ELF1: variants seen among roughly 807,000 people sequenced by gnomAD.
ELF1 encodes E74 like ETS transcription factor 1, also known as ETS-related transcription factor Elf-1.
In ELF1, 24 loss-of-function variants were observed where a neutral mutation model predicts 59.9. The ratio of observed to expected loss-of-function variants is 0.40; its 90% CI spans 0.29 to 0.56. The LOEUF (loss-of-function observed/expected upper bound fraction) is 0.56, where lower values mean the gene tolerates loss of function less well. ELF1 is among the 20% of genes least tolerant of loss of function. The probability of loss-of-function intolerance (pLI) is 0.44; values close to 1 mark genes in which losing one functional copy is unlikely to be tolerated. For synonymous variants in ELF1, 248 were observed against 266.2 expected (o/e 0.93, Z 0.67); for missense variants, 627 against 742.2 (o/e 0.84, Z 1.80).
At chr13:40,993,082 A>C in intron 1 of ELF1, 2 of 1,608,356 alleles carry the variant, frequency 1.2e-6, no homozygotes, top group Non-Finnish European at 1.7e-6. Flanking sequence ...ATCTTGTCAA[A>C]ATTTTGAGAC....
At chr13:40,983,888 A>AC (rs1195188343) in intron 1 of ELF1, among the ~76,000 whole-genome samples, 1 of 151,896 alleles carries the variant, frequency 6.6e-6, no homozygotes, top group Non-Finnish European at 1.5e-5. Flanking sequence ...CCTGCAACAC[A>AC]CCCATCTTCT....
At chr13:40,964,030 A>T (rs1392547421) in intron 2 of ELF1, among the ~76,000 whole-genome samples, 1 of 152,162 alleles carries the variant, frequency 6.6e-6, no homozygotes, top group Non-Finnish European at 1.5e-5. Flanking sequence ...CTACTACCAT[A>T]AATAGAAAAA....
intron 2 of ELF1, among the ~76,000 whole-genome samples, chr13:40,978,880 C>G (rs77078386): frequency 6.6e-6 from 1 of 151,854 alleles, no homozygotes; most frequent in Non-Finnish European, 1.5e-5. Flanking sequence ...TCTTACCCCC[C>G]GCAACTTTTA....
intron 1 of ELF1, among the ~76,000 whole-genome samples, chr13:41,024,868 C>T (rs1875830755): frequency 6.6e-6 from 1 of 152,080 alleles, no homozygotes; most frequent in Non-Finnish European, 1.5e-5. Context: ...TAAAAAAGTA[C>T]TCATCATATC....
intron 1 of ELF1, among the ~76,000 whole-genome samples, chr13:41,035,727 GA>G (rs11366083): frequency 0.35 from 34,997 of 99,938 alleles, 4,511 homozygotes; most frequent in South Asian, 0.48. Flanking sequence ...AGAACAAAAA[GA>G]AAAAAAAAAA....
At chr13:40,957,630 A>G (rs1486946539) in intron 3 of ELF1, among the ~76,000 whole-genome samples, 1 of 152,028 alleles carries the variant, frequency 6.6e-6, no homozygotes, top group Non-Finnish European at 1.5e-5. Flanking sequence ...CATGATTGTA[A>G]GTTTCCTGAG....
At chr13:41,008,478 C>T (rs1874871861) in intron 1 of ELF1, among the ~76,000 whole-genome samples, 1 of 151,956 alleles carries the variant, frequency 6.6e-6, no homozygotes, top group Admixed American at 6.6e-5. Flanking sequence ...ACTTAAAAGG[C>T]TTTTCTGATG....
At chr13:41,020,008 T>C (rs1009051569), upstream of ELF1, among the ~76,000 whole-genome samples, 3 of 152,252 alleles carry the variant, frequency 2.0e-5, no homozygotes, top group Non-Finnish European at 4.4e-5. Context: ...AAAAAAGTAT[T>C]GGTACGATCA....
intron 2 of ELF1, among the ~76,000 whole-genome samples, chr13:40,966,857 G>A (rs1356483058): frequency 6.6e-6 from 1 of 152,096 alleles, no homozygotes; most frequent in African/African-American, 2.4e-5. Flanking sequence ...TTAGTCTCTA[G>A]CATTTTTCCA....
intron 1 of ELF1, among the ~76,000 whole-genome samples, chr13:41,048,339 T>C (rs994855092): frequency 3.9e-5 from 6 of 152,308 alleles, no homozygotes; most frequent in African/African-American, 1.4e-4. Context: ...CAGTTGGAAA[T>C]GCAGAAATCA....
At chr13:41,002,757 G>GCA (rs1357722129) in intron 1 of ELF1, among the ~76,000 whole-genome samples, 3 of 152,122 alleles carry the variant, frequency 2.0e-5, no homozygotes, top group African/African-American at 7.2e-5. Context: ...TTCCCTACAG[G>GCA]CGCTTACAAT....
At chr13:40,948,092 A>G (rs1294466431) in intron 5 of ELF1, among the ~76,000 whole-genome samples, 2 of 152,232 alleles carry the variant, frequency 1.3e-5, no homozygotes, top group African/African-American at 4.8e-5. Flanking sequence ...GTGATCCCTG[A>G]GAGACAGGAA....
chr13:40,957,355 C>A (rs1185356068), intron 3 of ELF1, among the ~76,000 whole-genome samples: 1 of 134,028 alleles, frequency 7.5e-6, no homozygotes, highest in Non-Finnish European at 1.6e-5. Flanking sequence ...AAATTCAGGA[C>A]CCAAAAGGGC....
chr13:40,982,274 C>G lies in ELF1; in HGVS notation c.-220G>C, dbSNP rs1232082521. ...TTTCTGAAATTTTTCTTCTCTCAAG[C>G]TTCTTGGCCTAAAAAACAAAAGCTC... is the stretch of plus-strand genomic sequence containing the variant. On this transcript the variant is annotated 5_prime_UTR_variant, in exon 2 of 9. Transcript: ENST00000239882. 36 of 1,259,262 alleles carry G rather than the reference C, an allele frequency of 2.9e-5. No individual in the cohort carries two copies. The highest frequency in any genetic ancestry group is 3.4e-5 in the Non-Finnish European group (34 of 1,001,226). 78.0% of individuals were successfully genotyped at this position (1,259,262 alleles called of 1,614,324 possible). A position where few individuals can be genotyped will look rare whatever the true frequency, so the allele number is the denominator to read the frequency against.
At chr13:40,979,334 A>G (rs181779102) in intron 2 of ELF1, among the ~76,000 whole-genome samples, 1 of 152,286 alleles carries the variant, frequency 6.6e-6, no homozygotes, top group Non-Finnish European at 1.5e-5. Flanking sequence ...CAGCAATCCT[A>G]TAACTTAGGT....
At chr13:41,013,505 T>C (rs1044610912) in intron 1 of ELF1, among the ~76,000 whole-genome samples, 1 of 152,012 alleles carries the variant, frequency 6.6e-6, no homozygotes, top group Admixed American at 6.6e-5. Context: ...TTCAAAGAGG[T>C]AAAACTATAA....
chr13:40,949,707 G>A, intron 5 of ELF1, 99 bp downstream of exon 5: 1 of 1,385,030 alleles, frequency 7.2e-7, no homozygotes. Flanking sequence ...TCTTACATAA[G>A]TTTTAACTGC....
chr13:40,987,512 G>A (rs1465632690), intron 1 of ELF1, among the ~76,000 whole-genome samples: 2 of 148,830 alleles, frequency 1.3e-5, no homozygotes, highest in Non-Finnish European at 3.0e-5. Flanking sequence ...CTTGAACCCA[G>A]GAGGCAGAAG....
At position 40,967,524 on chromosome 13, in the gene ELF1, T is replaced by C. The variant is rs74045621; in HGVS notation, c.73-8508A>G. 6.7e-3 allele frequency among the ~76,000 whole-genome samples: 1,028 copies of C among 152,360 alleles called. 6 individuals are homozygous for C. Among genetic ancestry groups the C allele is most frequent in the African/African-American group, 0.024 (981 of 41,576 alleles). On this transcript the variant is annotated intron_variant, in intron 2 of 8. Transcript: ENST00000239882. ...TGTTTTGATGATTAAAGCCCTTCAATATTTGATACGGATAGAAATAAACAC... is the reference window on the plus strand; with the variant it reads ...TGTTTTGATGATTAAAGCCCTTCAACATTTGATACGGATAGAAATAAACAC...
Sources: allele counts gnomAD v4.1 joint callset (sites outside exome capture counted in the v4.1 genomes callset), GRCh38; gene constraint gnomAD v4.1.1; transcripts MANE v1.5; gene names NCBI Gene and HGNC (gene_info 2026-07-23, HGNC 2026-07-21).